B3GALT1: variants seen among roughly 807,000 people sequenced by gnomAD.
B3GALT1 encodes the protein beta-1,3-galactosyltransferase 1, also known as UDP-Gal:betaGlcNAc beta 1,3-galactosyltransferase, polypeptide 1.
In B3GALT1, 10 loss-of-function variants were observed where a neutral mutation model predicts 23.2. The observed-to-expected ratio is 0.43, with a 90% confidence interval of 0.27 to 0.73. B3GALT1 has a LOEUF of 0.73. Ranked by LOEUF, B3GALT1 falls within the 30% of genes least tolerant of loss-of-function variation. The probability of loss-of-function intolerance (pLI) is 0.21; values close to 1 mark genes in which losing one functional copy is unlikely to be tolerated. For missense variants in B3GALT1, 299 were observed against 405.4 expected (o/e 0.74, Z 2.25); for synonymous variants, 156 against 141.5 (o/e 1.10, Z -0.73).
At chr2:167,823,985 G>GTAA (rs1689162222) in intron 4 of B3GALT1, among the ~76,000 whole-genome samples, 2 of 152,190 alleles carry the variant, frequency 1.3e-5, no homozygotes, top group South Asian at 4.1e-4. Context: ...ATGAGATTGT[G>GTAA]TAATAAAGGA....
intron 3 of B3GALT1, among the ~76,000 whole-genome samples, chr2:167,664,519 G>A (rs1163537750): frequency 6.6e-6 from 1 of 152,114 alleles, no homozygotes; most frequent in African/African-American, 2.4e-5. Context: ...GTAGCTTGAT[G>A]GGGATGGCAT....
intron 3 of B3GALT1, among the ~76,000 whole-genome samples, chr2:167,802,743 A>G (rs1045417995): frequency 6.6e-6 from 1 of 152,168 alleles, no homozygotes; most frequent in African/African-American, 2.4e-5. Flanking sequence ...AACTCTTGAA[A>G]TACATTACCC....
intron 1 of B3GALT1, among the ~76,000 whole-genome samples, chr2:167,340,170 A>G (rs1386634908): frequency 6.6e-6 from 1 of 152,170 alleles, no homozygotes; most frequent in African/African-American, 2.4e-5. Context: ...ATGAGAGTTG[A>G]AAGTACTTGT....
At chr2:167,331,368 TGG>T (rs1371454221) in intron 1 of B3GALT1, among the ~76,000 whole-genome samples, 1 of 152,090 alleles carries the variant, frequency 6.6e-6, no homozygotes, top group Non-Finnish European at 1.5e-5. Context: ...AGCAGTGGGC[TGG>T]GTGGGCGGAT....
chr2:167,569,791 G>A lies in B3GALT1; in HGVS notation c.-409-77118G>A, dbSNP rs907359076. ...CTGACCACTAAGTGTAATGGTAGCT[G>A]TAAGGTTTATGTAGATATTCTTCTT... On this transcript the variant is annotated intron_variant, in intron 2 of 4. Transcript: ENST00000392690. 2.6e-5 allele frequency among the ~76,000 whole-genome samples: 4 copies of A among 151,820 alleles called. No homozygotes were observed. The East Asian group carries it at 5.8e-4, about 22-fold the overall frequency.
At chr2:167,837,291 T>G (rs1365006117) in intron 4 of B3GALT1, among the ~76,000 whole-genome samples, 2 of 151,994 alleles carry the variant, frequency 1.3e-5, no homozygotes, top group East Asian at 1.9e-4. Flanking sequence ...CCATCTCACG[T>G]GCAGAGACAC....
At chr2:167,679,014 CT>C (rs1686478180) in intron 3 of B3GALT1, among the ~76,000 whole-genome samples, 1 of 152,018 alleles carries the variant, frequency 6.6e-6, no homozygotes, top group African/African-American at 2.4e-5. Flanking sequence ...TAATTTGAAC[CT>C]TTCCAATCTT....
At chr2:167,771,215 C>G (rs1688067362) in intron 3 of B3GALT1, among the ~76,000 whole-genome samples, 1 of 152,160 alleles carries the variant, frequency 6.6e-6, no homozygotes, top group Admixed American at 6.5e-5. Flanking sequence ...TTCATAGTGC[C>G]TGACATATAT....
In B3GALT1 at chr2:167,512,592, GTGTA is replaced by G. The variant is rs1482113278; in HGVS notation, c.-410+22317_-410+22320del. ...TGTATATATATATGTATATATATAT[GTGTA>G]TATATATATATGTATATATATATAC... On this transcript the variant is annotated intron_variant, in intron 2 of 4. Transcript: ENST00000392690. 9.1e-3 allele frequency among the ~76,000 whole-genome samples: 361 copies of G among 39,606 alleles called. 81 individuals carry two copies. In the East Asian group the frequency reaches 0.59, roughly 65 times the overall value. 26.0% of individuals were successfully genotyped at this position (39,606 alleles called of 152,430 possible). A position where few individuals can be genotyped will look rare whatever the true frequency, so the allele number is the denominator to read the frequency against.
chr2:167,850,588 A>T (rs772520282), intron 4 of B3GALT1, among the ~76,000 whole-genome samples: 26 of 152,342 alleles, frequency 1.7e-4, no homozygotes, highest in Non-Finnish European at 3.4e-4. Flanking sequence ...AGATACTTGC[A>T]CACGCATGTT....
intron 3 of B3GALT1, among the ~76,000 whole-genome samples, chr2:167,649,020 A>G (rs931786056): frequency 1.3e-5 from 2 of 152,144 alleles, no homozygotes; most frequent in African/African-American, 4.8e-5. Flanking sequence ...CTCAAACTAT[A>G]TAGTGTCATG....
chr2:167,696,315 A>G (rs1480118290), intron 3 of B3GALT1, among the ~76,000 whole-genome samples: 1 of 151,606 alleles, frequency 6.6e-6, no homozygotes, highest in Non-Finnish European at 1.5e-5. Flanking sequence ...AAAAAAAAAA[A>G]AAATACCTAC....
chr2:167,508,667 A>G (rs1699959911), intron 2 of B3GALT1, among the ~76,000 whole-genome samples: 1 of 152,170 alleles, frequency 6.6e-6, no homozygotes. Context: ...AATGACTGGC[A>G]TACACCAAAA....
chr2:167,314,701 A>G (rs1479443798), intron 1 of B3GALT1, among the ~76,000 whole-genome samples: 3 of 152,156 alleles, frequency 2.0e-5, no homozygotes, highest in African/African-American at 7.2e-5. Flanking sequence ...TGAGTGTGAT[A>G]AGGCTGTTAA....
intron 3 of B3GALT1, among the ~76,000 whole-genome samples, chr2:167,813,004 C>CCCCCA (rs1553490199): frequency 3.0e-4 from 43 of 143,910 alleles, no homozygotes; most frequent in African/African-American, 1.1e-3. Context: ...CCACCCCCCC[C>CCCCCA]CACACAGTTC....
chr2:167,598,851 A>T (rs1684826736), intron 2 of B3GALT1, among the ~76,000 whole-genome samples: 1 of 152,032 alleles, frequency 6.6e-6, no homozygotes, highest in Non-Finnish European at 1.5e-5. Flanking sequence ...TTCACAATAA[A>T]CTCGATCGTA....
intron 1 of B3GALT1, among the ~76,000 whole-genome samples, chr2:167,402,731 A>C (rs1698213041): frequency 6.6e-6 from 1 of 152,158 alleles, no homozygotes; most frequent in Non-Finnish European, 1.5e-5. Context: ...CTCTGCTTTT[A>C]ATAATTAGGC....
At chr2:167,382,154 T>G (rs1281343560) in intron 1 of B3GALT1, among the ~76,000 whole-genome samples, 1 of 152,202 alleles carries the variant, frequency 6.6e-6, no homozygotes, top group East Asian at 1.9e-4. Flanking sequence ...CTTCTTAATC[T>G]CATTTATATA....
At chr2:167,599,903 T>A (rs1684843374) in intron 2 of B3GALT1, among the ~76,000 whole-genome samples, 1 of 152,192 alleles carries the variant, frequency 6.6e-6, no homozygotes, top group African/African-American at 2.4e-5. Flanking sequence ...CGATTAATCA[T>A]AGATATGGAA....
Sources: gnomAD v4.1 joint callset for allele counts (sites outside exome capture counted in the v4.1 genomes callset) on GRCh38, gnomAD v4.1.1 for gene constraint, MANE v1.5 for transcripts, NCBI Gene and HGNC (gene_info 2026-07-23, HGNC 2026-07-21) for gene names.